Variants in SLC7A8 observed in about 807,000 individuals in gnomAD.
SLC7A8 encodes the protein large neutral amino acids transporter small subunit 2.
SLC7A8 carries 30 observed loss-of-function variants against 51.2 expected under a neutral mutation model. The ratio of observed to expected loss-of-function variants is 0.59; its 90% confidence interval spans 0.44 to 0.80. The LOEUF is 0.80. Among genes scored for constraint, SLC7A8 ranks in the 30% least tolerant of loss-of-function variants. SLC7A8 has a pLI of 0.00. For missense variants in SLC7A8, 612 were observed against 674.4 expected (o/e 0.91, Z 1.03); for synonymous variants, 257 against 275.8 (o/e 0.93, Z 0.67).
In SLC7A8 at chr14:23,180,293, AT is replaced by A. The variant is rs529164919; in HGVS notation, c.151+2470del. The stretch of plus-strand genomic sequence containing the variant: ...AATCTACACAGAAAATGCCATTTCT[AT>A]TTTTGCATTTGGTCTTGAAAACACT... On this transcript the variant is annotated intron_variant, in intron 1 of 10. Coordinates refer to ENST00000316902, the MANE Select transcript of SLC7A8 (RefSeq NM_012244.4). Among the ~76,000 whole-genome samples, 686 of 152,180 alleles carry A rather than the reference AT, an allele frequency of 4.5e-3. 22 individuals carry two copies. Among genetic ancestry groups the A allele is most frequent in the Non-Finnish European group, 1.0e-3 (71 of 68,000 alleles).
In SLC7A8 at chr14:23,182,711, A is replaced by T. The variant is rs555255239; in HGVS notation, c.151+53T>A. The T allele has an allele frequency of 3.3e-5, 49 of 1,503,970 alleles. No individual in the cohort carries two copies. The Admixed American group carries it at 9.0e-4, about 28-fold the overall frequency. The allele number at this position is 1,503,970 out of a possible 1,614,324, so 93.2% of individuals were successfully genotyped here. ...TGCTTTCGAAGGGTTAAGATCTCAC[A>T]GGAGGACCACCAGAGGGGAGAGGAG... On this transcript the variant is annotated intron_variant, in intron 1 of 10. Coordinates refer to ENST00000316902, the MANE Select transcript of SLC7A8 (RefSeq NM_012244.4).
At chr14:23,155,685 A>G (rs1340486385) in intron 3 of SLC7A8, among the ~76,000 whole-genome samples, 2 of 151,922 alleles carry the variant, frequency 1.3e-5, no homozygotes, top group South Asian at 2.1e-4. Flanking sequence ...AAAAATTGCT[A>G]TCTCACACAC....
At chr14:23,141,965 A>C (rs1400366612) in intron 4 of SLC7A8, among the ~76,000 whole-genome samples, 1 of 152,236 alleles carries the variant, frequency 6.6e-6, no homozygotes, top group Admixed American at 6.5e-5. Flanking sequence ...TAAGGAGATT[A>C]GTGTGACCAG....
Position 23,161,604 on chromosome 14 carries a change from G to GGGGGTA in SLC7A8, c.508+3680_508+3681insTACCCC, listed in dbSNP as rs1411533091. 2.3e-3 allele frequency among the ~76,000 whole-genome samples: 324 copies of GGGGGTA among 142,194 alleles called. 4 individuals carry two copies. The highest frequency in any genetic ancestry group is 8.1e-3 in the African/African-American group (305 of 37,794). 93.3% of individuals were successfully genotyped at this position (142,194 alleles called of 152,430 possible). A position where few individuals can be genotyped will look rare whatever the true frequency, so the allele number is the denominator to read the frequency against. Reference sequence around the variant, plus strand: ...TGGATGATGGTGGGGGTAGGTGGGTGGGTGGGAGGGGTGCTGGAATAAAAA... The same window carrying GGGGGTA: ...TGGATGATGGTGGGGGTAGGTGGGTGGGGGTAGGTGGGAGGGGTGCTGGAATAAAAA... On this transcript the variant is annotated intron_variant, in intron 3 of 10. Coordinates refer to ENST00000316902, the MANE Select transcript of SLC7A8 (RefSeq NM_012244.4).
chr14:23,172,912 A>AT (rs3831862), intron 1 of SLC7A8, among the ~76,000 whole-genome samples: 4,966 of 148,858 alleles, frequency 0.033, 275 homozygotes, highest in African/African-American at 0.11. Context: ...AGCCTGGATG[A>AT]TTTTTTTTTT....
intron 7 of SLC7A8, among the ~76,000 whole-genome samples, chr14:23,136,801 C>T (rs1413135683): frequency 2.6e-5 from 4 of 152,218 alleles, no homozygotes; most frequent in Admixed American, 2.6e-4. Context: ...TCTCAGGGAG[C>T]CTCACGGGTC....
At chr14:23,139,318 T>C in intron 6 of SLC7A8, 106 bp downstream of exon 6, 1 of 1,561,236 alleles carries the variant, frequency 6.4e-7, no homozygotes, top group Non-Finnish European at 8.8e-7. Flanking sequence ...TTGGGGGTGA[T>C]TTCCACTTCC....
rs772766636 is a variant in SLC7A8 at position 23,127,349 on chromosome 14, G to T, written c.1442-6C>A. ...GCTCACCAGGGTTAGCAGCTCTGTA[G>T]GAAGAGATCACACAGAAACCAGGCC... On this transcript the variant is annotated splice_region_variant and splice_polypyrimidine_tract_variant and intron_variant, in intron 10 of 10. Coordinates refer to ENST00000316902, the MANE Select transcript of SLC7A8 (RefSeq NM_012244.4). 8 of 1,613,228 alleles carry T rather than the reference G, an allele frequency of 5.0e-6. No homozygotes were observed. Among genetic ancestry groups the T allele is most frequent in the Non-Finnish European group, 6.8e-6 (8 of 1,179,286 alleles).
intron 8 of SLC7A8, among the ~76,000 whole-genome samples, chr14:23,130,866 T>A (rs2048626240): frequency 6.6e-6 from 1 of 152,252 alleles, no homozygotes; most frequent in Non-Finnish European, 1.5e-5. Context: ...AAGTCTTTGT[T>A]CCTTCCTATA....
intron 1 of SLC7A8, among the ~76,000 whole-genome samples, chr14:23,182,493 C>T (rs1057051100): frequency 2.6e-5 from 4 of 152,082 alleles, no homozygotes. Context: ...AAGGAGTTCC[C>T]AGGCAATGCT....
chr14:23,127,876 G>T, intron 10 of SLC7A8, 143 bp downstream of exon 10: 2 of 717,388 alleles, frequency 2.8e-6, no homozygotes, highest in Non-Finnish European at 4.6e-6. Flanking sequence ...TGCTTCCCCT[G>T]CTCTGGACTC....
In SLC7A8 at chr14:23,179,728, G is replaced by A. The variant is rs1175672248; in HGVS notation, c.151+3036C>T. Among the ~76,000 whole-genome samples, 7 of 152,074 alleles carry A rather than the reference G, an allele frequency of 4.6e-5. No homozygotes were observed. In the East Asian group the frequency reaches 1.3e-3, roughly 29 times the overall value. ...GGAAGCTGAGGTGGAAGGATCGCTT[G>A]AGCCCAGGAGTTTGAGGCTGCAGCG... On this transcript the variant is annotated intron_variant, in intron 1 of 10. Transcript: ENST00000316902.
In SLC7A8 at chr14:23,140,490, C is replaced by A; in HGVS notation, c.769G>T (p.Glu257Ter). The part of the protein sequence containing the change: ...GWNFLNYVTE[E>*]LVDPYKNLPR... ...ACTCACTTGTAGGGATCAACAAGCT[C>A]CTCAGTCACGTAATTCAGAAAGTTC... Residue 257 changes from glutamate (E) to a stop codon, truncating the protein, a stop_gained, in exon 5 of 11, where the codon GAG (glutamate) becomes TAG (stop). Transcript: ENST00000316902. LOFTEE classifies it high-confidence loss of function. The A allele has an allele frequency of 2.5e-6, 4 of 1,613,080 alleles. No individual in the cohort carries two copies. The highest frequency in any genetic ancestry group is 3.4e-6 in the Non-Finnish European group (4 of 1,179,172).
chr14:23,169,451 G>C (rs1338270053), intron 1 of SLC7A8, among the ~76,000 whole-genome samples: 2 of 152,342 alleles, frequency 1.3e-5, no homozygotes, highest in South Asian at 4.1e-4. Context: ...CTGTCGCCCA[G>C]GCTGGAGTGC....
At chr14:23,137,778 C>T in intron 7 of SLC7A8, 143 bp downstream of exon 7, 1 of 996,054 alleles carries the variant, frequency 1.0e-6, no homozygotes, top group South Asian at 1.6e-5. Context: ...CACACGCCCT[C>T]ATGTGAGCAG....
intron 1 of SLC7A8, 26 bp from the exon 2 acceptor site, chr14:23,166,566 G>A (rs748250404): frequency 1.9e-6 from 3 of 1,612,764 alleles, no homozygotes; most frequent in Admixed American, 1.7e-5. Context: ...AGGGTAAGGA[G>A]GGGAGACAGT....
At chr14:23,162,091 A>G (rs946204739) in intron 3 of SLC7A8, among the ~76,000 whole-genome samples, 1 of 152,114 alleles carries the variant, frequency 6.6e-6, no homozygotes, top group Non-Finnish European at 1.5e-5. Context: ...TTAAAAAAAA[A>G]AAGTATTCAA....
intron 7 of SLC7A8, among the ~76,000 whole-genome samples, chr14:23,134,281 A>G (rs781170568): frequency 2.6e-5 from 4 of 152,116 alleles, no homozygotes; most frequent in South Asian, 2.1e-4. Flanking sequence ...TACAAAAAAT[A>G]CAAAAATTAG....
intron 1 of SLC7A8, among the ~76,000 whole-genome samples, chr14:23,177,702 T>C (rs1876985338): frequency 6.6e-6 from 1 of 152,148 alleles, no homozygotes; most frequent in Non-Finnish European, 1.5e-5. Context: ...AAGGTGTGCA[T>C]GTGCAGGAAT....
Sources: gnomAD v4.1 joint callset for allele counts (sites outside exome capture counted in the v4.1 genomes callset) on GRCh38, gnomAD v4.1.1 for gene constraint, MANE v1.5 for transcripts, NCBI Gene and HGNC (gene_info 2026-07-23, HGNC 2026-07-21) for gene names.